The following SEC24A variants were observed in gnomAD, a reference collection of about 807,000 sequenced individuals.
The protein encoded by SEC24A is SEC24 homolog A, COPII component.
SEC24A carries 93 observed loss-of-function variants against 129.4 expected under a neutral mutation model. The ratio of observed to expected loss-of-function variants is 0.72; its 90% CI spans 0.61 to 0.85. The LOEUF (loss-of-function observed/expected upper bound fraction) is 0.85, where lower values mean the gene tolerates loss of function less well. Among genes scored for constraint, SEC24A ranks in the 40% least tolerant of loss-of-function variants. The pLI is 0.00. For missense variants in SEC24A, 1,264 were observed against 1,307.4 expected, an observed-to-expected ratio of 0.97 and a Z score of 0.51; for synonymous variants, 460 against 467.3, an observed-to-expected ratio of 0.98 and a Z score of 0.20.
intron 17 of SEC24A, among the ~76,000 whole-genome samples, chr5:134,707,956 AC>A (rs1313683912): frequency 7.9e-5 from 12 of 152,098 alleles, no homozygotes; most frequent in African/African-American, 2.2e-4. Context: ...ATACAAAAAA[AC>A]AAAACAAAAC....
At chr5:134,675,295 A>G in intron 6 of SEC24A, 78 bp downstream of exon 6, 1 of 1,050,224 alleles carries the variant, frequency 9.5e-7, no homozygotes, top group Non-Finnish European at 1.4e-6. Flanking sequence ...GGTGTTATGA[A>G]TAAGCTGTAC....
At chr5:134,662,836 A>C (rs1750520226) in intron 2 of SEC24A, among the ~76,000 whole-genome samples, 1 of 152,074 alleles carries the variant, frequency 6.6e-6, no homozygotes, top group African/African-American at 2.4e-5. Flanking sequence ...AAATGAATGA[A>C]TATGGTGGCA....
intron 9 of SEC24A, among the ~76,000 whole-genome samples, chr5:134,684,712 C>CA (rs201086641): frequency 0.023 from 3,466 of 150,880 alleles, 58 homozygotes; most frequent in African/African-American, 0.053. Context: ...GACTCCATCT[C>CA]AAAAAACAAA....
At chr5:134,678,580 A>T (rs72800316) in intron 7 of SEC24A, among the ~76,000 whole-genome samples, 54,339 of 148,164 alleles carry the variant, frequency 0.37, 10,188 homozygotes, top group Non-Finnish European at 0.42. Context: ...ATATATATAT[A>T]TTTTTTTAAT....
chr5:134,661,660 T>G, intron 2 of SEC24A, 74 bp downstream of exon 2: 2 of 1,107,926 alleles, frequency 1.8e-6, no homozygotes, highest in Non-Finnish European at 1.3e-6. Flanking sequence ...GAAATAATAC[T>G]TGAAACCTGA....
intron 3 of SEC24A, among the ~76,000 whole-genome samples, chr5:134,668,547 G>A (rs566056492): frequency 2.2e-4 from 34 of 152,334 alleles, no homozygotes; most frequent in African/African-American, 6.7e-4. Context: ...CCAGCATGGC[G>A]AAACCCTGTC....
chr5:134,659,941 C>A (rs1750391270), intron 1 of SEC24A, among the ~76,000 whole-genome samples: 1 of 152,022 alleles, frequency 6.6e-6, no homozygotes, highest in South Asian at 2.1e-4. Flanking sequence ...GTGTGAGGCA[C>A]CATGCCCAGC....
chr5:134,676,665 A>G (rs1406851178), intron 7 of SEC24A, among the ~76,000 whole-genome samples: 1 of 152,010 alleles, frequency 6.6e-6, no homozygotes, highest in Non-Finnish European at 1.5e-5. Flanking sequence ...ACTGGTCTCG[A>G]ACTGACCTCA....
rs769746424 is a variant in SEC24A at position 134,682,491 on chromosome 5, T to C, written c.1491+9T>C. 7 of 1,437,940 alleles carry C rather than the reference T, an allele frequency of 4.9e-6. No individual in the cohort carries two copies. Among genetic ancestry groups the C allele is most frequent in the Non-Finnish European group, 6.8e-6 (7 of 1,023,446 alleles). 89.1% of individuals were successfully genotyped at this position (1,437,940 alleles called of 1,614,324 possible). On this transcript the variant is annotated intron_variant, in intron 9 of 22. Transcript: ENST00000398844. ...CTCCTTCAGAATACATGGTAAACTT[T>C]TATTTTTTGATACAGTATACCCATT...
At chr5:134,705,970 C>A (rs998954263) in intron 17 of SEC24A, among the ~76,000 whole-genome samples, 2 of 151,752 alleles carry the variant, frequency 1.3e-5, no homozygotes, top group Non-Finnish European at 2.9e-5. Context: ...TTACCACAAC[C>A]TCTATCTCCT....
chr5:134,676,176 G>A (rs1455587461), intron 7 of SEC24A, 51 bp downstream of exon 7: 1 of 1,375,586 alleles, frequency 7.3e-7, no homozygotes, highest in Non-Finnish European at 1.0e-6. Flanking sequence ...GTCTCCCTCT[G>A]TCGCCCAGGC....
At chr5:134,651,214 C>T (rs942255881) in intron 1 of SEC24A, among the ~76,000 whole-genome samples, 1 of 149,772 alleles carries the variant, frequency 6.7e-6, no homozygotes, top group Non-Finnish European at 1.5e-5. Flanking sequence ...ACCTCAGCCT[C>T]CCCAGTAGCT....
chr5:134,696,784 C>G, intron 13 of SEC24A, among the ~76,000 whole-genome samples: 1 of 152,020 alleles, frequency 6.6e-6, no homozygotes, highest in African/African-American at 2.4e-5. Flanking sequence ...AGGCGTGAGC[C>G]ACCGCACCCG....
chr5:134,713,485 A>G (rs1417989757), intron 18 of SEC24A, among the ~76,000 whole-genome samples: 1 of 152,088 alleles, frequency 6.6e-6, no homozygotes, highest in Non-Finnish European at 1.5e-5. Flanking sequence ...TGTAAGCTCC[A>G]TGAGGACAAG....
intron 21 of SEC24A, among the ~76,000 whole-genome samples, chr5:134,722,832 A>G (rs987827330): frequency 2.0e-5 from 3 of 152,072 alleles, no homozygotes; most frequent in African/African-American, 7.2e-5. Flanking sequence ...CTGTAGTTCA[A>G]GAAGATGATC....
rs570564341 is a variant in SEC24A at position 134,664,088 on chromosome 5, C to T, written c.565+2502C>T. On this transcript the variant is annotated intron_variant, in intron 2 of 22. Transcript: ENST00000398844. Reference sequence around the variant, plus strand: ...ATTGCACCACTACCTTCAGTCTGGGCGACAGAGCAAGACTCCATCTCAAAA... The same window carrying T: ...ATTGCACCACTACCTTCAGTCTGGGTGACAGAGCAAGACTCCATCTCAAAA... Among the ~76,000 whole-genome samples, 12 of 150,910 alleles carry T rather than the reference C, an allele frequency of 8.0e-5. No homozygotes were observed. The East Asian group carries it at 1.4e-3, about 17-fold the overall frequency.
chr5:134,703,307 G>A (rs868278129), intron 15 of SEC24A, among the ~76,000 whole-genome samples: 6 of 150,770 alleles, frequency 4.0e-5, no homozygotes, highest in African/African-American at 1.5e-4. Flanking sequence ...TTGCTCTGTC[G>A]CCCAGGCTGG....
chr5:134,693,538 C>G, intron 12 of SEC24A, 189 bp from the exon 13 acceptor site: 1 of 1,427,438 alleles, frequency 7.0e-7, no homozygotes, highest in Non-Finnish European at 9.1e-7. Context: ...TTTGATTTGT[C>G]TTGCTTGCCA....
intron 8 of SEC24A, among the ~76,000 whole-genome samples, chr5:134,681,046 C>T: frequency 6.7e-6 from 1 of 149,478 alleles, no homozygotes; most frequent in Non-Finnish European, 1.5e-5. Flanking sequence ...TTTCAGTGAG[C>T]CGAAATCGAG....
Sources: gnomAD v4.1 joint callset for allele counts (sites outside exome capture counted in the v4.1 genomes callset) on GRCh38, gnomAD v4.1.1 for gene constraint, MANE v1.5 for transcripts, NCBI Gene and HGNC (gene_info 2026-07-23, HGNC 2026-07-21) for gene names.